Variants in DIP2C observed in about 807,000 individuals in gnomAD.
The protein encoded by DIP2C is DIP2 acetate--CoA ligase C (putative), also known as disco-interacting protein 2 homolog C.
DIP2C carries 33 observed loss-of-function variants against 192.4 expected under a neutral mutation model. The observed-to-expected ratio is 0.17, with a 90% CI of 0.13 to 0.23. The LOEUF is 0.23. Among genes scored for constraint, DIP2C ranks in the 10% least tolerant of loss-of-function variants. The probability of loss-of-function intolerance (pLI) is 1.00; values close to 1 mark genes in which losing one functional copy is unlikely to be tolerated. For missense variants in DIP2C, 1,537 were observed against 2,110.1 expected, an observed-to-expected ratio of 0.73 and a Z score of 5.32; for synonymous variants, 979 against 864.1, an observed-to-expected ratio of 1.13 and a Z score of -2.33.
intron 1 of DIP2C, among the ~76,000 whole-genome samples, chr10:586,332 A>T (rs1851018408): frequency 6.6e-6 from 1 of 152,198 alleles, no homozygotes; most frequent in Admixed American, 6.5e-5. Flanking sequence ...CATATCGGAC[A>T]CATGAAACCA....
chr10:336,914 G>T (rs1444211757), intron 29 of DIP2C, among the ~76,000 whole-genome samples: 5 of 117,866 alleles, frequency 4.2e-5, no homozygotes, highest in Admixed American at 8.7e-5. Context: ...GTGTGTGTGT[G>T]TGTGTGTTGT....
chr10:531,720 A>T (rs907221521), intron 1 of DIP2C, among the ~76,000 whole-genome samples: 1 of 152,086 alleles, frequency 6.6e-6, no homozygotes, highest in South Asian at 2.1e-4. Context: ...ATGCAAGCAG[A>T]TATCATACGC....
At chr10:305,019 CAT>C (rs971756000) in intron 32 of DIP2C, among the ~76,000 whole-genome samples, 29 of 51,770 alleles carry the variant, frequency 5.6e-4, no homozygotes, top group Middle Eastern at 7.8e-3. Flanking sequence ...GCAACACACT[CAT>C]GACACATATA....
chr10:378,560 AAC>A (rs1216767316), intron 17 of DIP2C, among the ~76,000 whole-genome samples: 9 of 150,538 alleles, frequency 6.0e-5, no homozygotes, highest in Admixed American at 1.3e-4. Flanking sequence ...CAGACACGTG[AAC>A]ACAAACATGC....
In DIP2C at chr10:329,499, C is replaced by A; in HGVS notation, c.3687G>T (p.Thr1229=). The A allele has an allele frequency of 6.2e-7, 1 of 1,614,174 alleles. No homozygotes were observed. Among genetic ancestry groups the A allele is most frequent in the Non-Finnish European group, 8.5e-7 (1 of 1,180,030 alleles). The change falls in exon 30 of 37, where the codon ACG becomes ACT. Residue 1229 remains threonine (T), a synonymous_variant. Coordinates refer to ENST00000280886, the MANE Select transcript of DIP2C (RefSeq NM_014974.3). ...GCTCCATCACGGAGTAGGAGCAAAA[C>A]GTGTCTCGGACTTTGTACTGACTCA... ...LAVSQYKVRD[T]FCSYSVMELC... is the part of the protein sequence containing the mutation.
chr10:409,580 G>A (rs1965047285), intron 8 of DIP2C, among the ~76,000 whole-genome samples: 1 of 152,248 alleles, frequency 6.6e-6, no homozygotes, highest in Non-Finnish European at 1.5e-5. Context: ...AGAAACCGCG[G>A]GGAAGGTTGT....
intron 1 of DIP2C, among the ~76,000 whole-genome samples, chr10:685,778 A>G (rs1393083603): frequency 1.3e-5 from 2 of 152,148 alleles, no homozygotes; most frequent in Non-Finnish European, 2.9e-5. Context: ...CCTAGCCAAC[A>G]TGATGAAACC....
chr10:351,594 G>C (rs1958813467), intron 24 of DIP2C, among the ~76,000 whole-genome samples: 1 of 152,148 alleles, frequency 6.6e-6, no homozygotes, highest in South Asian at 2.1e-4. Context: ...TCCCCACTTA[G>C]AGGACACCTA....
intron 1 of DIP2C, among the ~76,000 whole-genome samples, chr10:612,919 T>A (rs1225301082): frequency 6.6e-6 from 1 of 152,132 alleles, no homozygotes; most frequent in African/African-American, 2.4e-5. Flanking sequence ...TACTGTTAAA[T>A]GCATGTAAAA....
At chr10:571,351 C>A (rs1349759451) in intron 1 of DIP2C, among the ~76,000 whole-genome samples, 1 of 152,188 alleles carries the variant, frequency 6.6e-6, no homozygotes, top group Non-Finnish European at 1.5e-5. Context: ...GTCAGCCCTG[C>A]CAGGCCGCCT....
intron 1 of DIP2C, among the ~76,000 whole-genome samples, chr10:615,712 G>A (rs1315330915): frequency 6.6e-6 from 1 of 152,066 alleles, no homozygotes; most frequent in Non-Finnish European, 1.5e-5. Flanking sequence ...CTCATCCATG[G>A]CAACACAGAA....
At chr10:606,190 C>A (rs959271627) in intron 1 of DIP2C, among the ~76,000 whole-genome samples, 1 of 152,244 alleles carries the variant, frequency 6.6e-6, no homozygotes, top group African/African-American at 2.4e-5. Flanking sequence ...AAACCCTGGG[C>A]TGGGGTGCCA....
intron 1 of DIP2C, among the ~76,000 whole-genome samples, chr10:557,490 C>T (rs1442307667): frequency 6.6e-6 from 1 of 151,390 alleles, no homozygotes; most frequent in African/African-American, 2.4e-5. Context: ...CCTCTGCTGG[C>T]CTCACCTGGG....
At chr10:430,913 G>C (rs1966849832) in intron 4 of DIP2C, among the ~76,000 whole-genome samples, 1 of 152,206 alleles carries the variant, frequency 6.6e-6, no homozygotes, top group African/African-American at 2.4e-5. Context: ...CTGTGACTAG[G>C]TTTGGTGTTT....
intron 20 of DIP2C, among the ~76,000 whole-genome samples, chr10:364,113 TTCTAATGCATA>T (rs1392374470): frequency 6.6e-6 from 1 of 152,210 alleles, no homozygotes; most frequent in Non-Finnish European, 1.5e-5. Flanking sequence ...GAAATAAGTT[TTCTAATGCATA>T]TTTCTATTAT....
At chr10:640,650 C>A (rs375766265) in intron 1 of DIP2C, among the ~76,000 whole-genome samples, 1 of 149,674 alleles carries the variant, frequency 6.7e-6, no homozygotes, top group Non-Finnish European at 1.5e-5. Flanking sequence ...AGGGTGCGCG[C>A]GGGGAAGAGG....
At chr10:355,584 A>G (rs1959042795) in intron 24 of DIP2C, among the ~76,000 whole-genome samples, 1 of 152,256 alleles carries the variant, frequency 6.6e-6, no homozygotes, top group South Asian at 2.1e-4. Flanking sequence ...AGTAACAAGC[A>G]TATTAAGATT....
chr10:370,597 CAATG>C (rs1286314599), intron 17 of DIP2C, among the ~76,000 whole-genome samples: 6 of 152,214 alleles, frequency 3.9e-5, no homozygotes, highest in African/African-American at 1.4e-4. Context: ...AAATGTCTAG[CAATG>C]AATAGCTGCT....
intron 1 of DIP2C, among the ~76,000 whole-genome samples, chr10:579,942 G>A (rs1337005291): frequency 1.3e-5 from 2 of 151,612 alleles, no homozygotes; most frequent in South Asian, 4.1e-4. Context: ...ACTATAACAT[G>A]TATGTACATG....
Sources: allele counts gnomAD v4.1 joint callset (sites outside exome capture counted in the v4.1 genomes callset), GRCh38; gene constraint gnomAD v4.1.1; transcripts MANE v1.5; gene names NCBI Gene and HGNC (gene_info 2026-07-23, HGNC 2026-07-21).